Variants in CACNB2 observed in about 807,000 individuals in gnomAD.
The protein encoded by CACNB2 is voltage-dependent L-type calcium channel subunit beta-2.
CACNB2 carries 42 observed loss-of-function variants against 73.3 expected under a neutral mutation model. The ratio of observed to expected loss-of-function variants is 0.57; its 90% CI spans 0.45 to 0.74. The LOEUF (loss-of-function observed/expected upper bound fraction) is 0.74, where lower values mean the gene tolerates loss of function less well. Among genes scored for constraint, CACNB2 ranks in the 30% least tolerant of loss-of-function variants. The pLI is 0.00. For missense variants in CACNB2, 940 were observed against 853.0 expected (o/e 1.10, Z -1.27); for synonymous variants, 348 against 310.3 (o/e 1.12, Z -1.28).
chr10:18,538,713 G>A (rs1050650955), intron 13 of CACNB2, among the ~76,000 whole-genome samples: 9 of 152,170 alleles, frequency 5.9e-5, no homozygotes, highest in Admixed American at 3.3e-4. Context: ...ATGGCAACCT[G>A]TCCAAGAGGC....
chr10:18,346,260 C>T lies in CACNB2; in HGVS notation c.214-55664C>T, dbSNP rs142157329. The stretch of plus-strand genomic sequence containing the variant: ...GTTCAAACGATTCTCCTGCCTCAGC[C>T]TCTTGAGTAGCTGGGATTACAGGTG... On this transcript the variant is annotated intron_variant, in intron 2 of 13. Coordinates refer to ENST00000324631, the MANE Select transcript of CACNB2 (RefSeq NM_201596.3). Among the ~76,000 whole-genome samples the T allele has an allele frequency of 8.9e-3, 1,348 of 152,206 alleles. 29 individuals carry two copies. The highest frequency in any genetic ancestry group is 0.028 in the African/African-American group (1,166 of 41,536).
At position 18,153,979 on chromosome 10, in the gene CACNB2, A is replaced by C. The variant is rs921456266; in HGVS notation, c.213+3004A>C. Among the ~76,000 whole-genome samples the C allele has an allele frequency of 5.9e-5, 9 of 151,460 alleles. No homozygotes were observed. The Admixed American group carries it at 6.0e-4, about 10-fold the overall frequency. On this transcript the variant is annotated intron_variant, in intron 2 of 13. Transcript: ENST00000324631. ...AAACAAGTGACTTGCATCGACACAT[A>C]TTGCGTACTTGTCTGTAGCTAGGGA...
rs1229644432 is a variant in CACNB2, at chr10:18,215,534, C to T, written c.213+64559C>T. Among the ~76,000 whole-genome samples the T allele has an allele frequency of 3.9e-5, 6 of 152,240 alleles. No individual in the cohort carries two copies. The East Asian group carries it at 1.2e-3, about 29-fold the overall frequency. ...AGCCTTTGTTTCTAACACACTTTGA[C>T]AAAATGGTCATTTTGAATTAGATAT... On this transcript the variant is annotated intron_variant, in intron 2 of 13. Coordinates refer to ENST00000324631, the MANE Select transcript of CACNB2 (RefSeq NM_201596.3).
intron 2 of CACNB2, among the ~76,000 whole-genome samples, chr10:18,271,175 T>G (rs1483294565): frequency 6.6e-6 from 1 of 152,220 alleles, no homozygotes; most frequent in African/African-American, 2.4e-5. Context: ...TTGGTTGATA[T>G]GCATAAAGTA....
At chr10:18,485,054 A>G (rs763593656) in intron 3 of CACNB2, among the ~76,000 whole-genome samples, 10 of 152,068 alleles carry the variant, frequency 6.6e-5, no homozygotes, top group Non-Finnish European at 1.5e-4. Context: ...ACTTGGGAGG[A>G]TCATTTGAGC....
intron 2 of CACNB2, among the ~76,000 whole-genome samples, chr10:18,401,563 C>A (rs1006184911): frequency 6.6e-6 from 1 of 152,136 alleles, no homozygotes; most frequent in Admixed American, 6.6e-5. Flanking sequence ...TTTCAAATAC[C>A]TGCTTTAGCA....
chr10:18,151,582 T>C (rs150337598), intron 2 of CACNB2, among the ~76,000 whole-genome samples: 108 of 152,176 alleles, frequency 7.1e-4, no homozygotes, highest in African/African-American at 2.5e-3. Context: ...CCCTAACATA[T>C]AAACACGCTT....
At chr10:18,351,138 A>G (rs890700250) in intron 2 of CACNB2, among the ~76,000 whole-genome samples, 18 of 131,684 alleles carry the variant, frequency 1.4e-4, no homozygotes, top group African/African-American at 5.1e-4. Flanking sequence ...TCACATGTAC[A>G]CCCTTTCTTT....
chr10:18,325,093 G>A (rs1182462904), intron 2 of CACNB2, among the ~76,000 whole-genome samples: 5 of 152,172 alleles, frequency 3.3e-5, no homozygotes, highest in Non-Finnish European at 7.4e-5. Flanking sequence ...GTGTGAACTG[G>A]GTCCCCCAGT....
At chr10:18,388,282 C>G (rs2043318843) in intron 2 of CACNB2, among the ~76,000 whole-genome samples, 1 of 152,182 alleles carries the variant, frequency 6.6e-6, no homozygotes, top group Non-Finnish European at 1.5e-5. Context: ...ATTAAACGTT[C>G]TGAATATAGT....
At chr10:18,362,476 A>G (rs2042181996) in intron 2 of CACNB2, among the ~76,000 whole-genome samples, 1 of 152,136 alleles carries the variant, frequency 6.6e-6, no homozygotes, top group Non-Finnish European at 1.5e-5. Flanking sequence ...TGATTATATT[A>G]GTATTCTATT....
chr10:18,296,813 T>C (rs1046315903), intron 2 of CACNB2, among the ~76,000 whole-genome samples: 17 of 152,196 alleles, frequency 1.1e-4, no homozygotes. Flanking sequence ...ATCGAGAGCA[T>C]TGCAGACAAT....
At chr10:18,442,861 A>G (rs2046483430) in intron 3 of CACNB2, among the ~76,000 whole-genome samples, 1 of 145,732 alleles carries the variant, frequency 6.9e-6, no homozygotes, top group Non-Finnish European at 1.5e-5. Context: ...AGTGGAGACT[A>G]TTAAAGAGCT....
At chr10:18,478,830 G>C (rs549174785) in intron 3 of CACNB2, among the ~76,000 whole-genome samples, 1 of 152,218 alleles carries the variant, frequency 6.6e-6, no homozygotes, top group East Asian at 1.9e-4. Flanking sequence ...TAACAGGGAG[G>C]GGAAGCAGAA....
Position 18,290,112 on chromosome 10 carries a change from C to CTTTTTTTTTTTTTTTTT in CACNB2, c.214-111801_214-111785dup, listed in dbSNP as rs992393946. 1.6e-4 allele frequency among the ~76,000 whole-genome samples: 8 copies of CTTTTTTTTTTTTTTTTT among 50,134 alleles called. 1 individual carries two copies. The highest frequency in any genetic ancestry group is 1.9e-4 in the Non-Finnish European group (5 of 26,224). 32.9% of individuals were successfully genotyped at this position (50,134 alleles called of 152,430 possible). A position where few individuals can be genotyped will look rare whatever the true frequency, so the allele number is the denominator to read the frequency against. ...TAAAGTTTTTTTCTTTTTTCTTTTT[C>CTTTTTTTTTTTTTTTTT]TTTTTTTTTTTTTTTTTTTTTTTTT... On this transcript the variant is annotated intron_variant, in intron 2 of 13. Coordinates refer to ENST00000324631, the MANE Select transcript of CACNB2 (RefSeq NM_201596.3).
intron 12 of CACNB2, 132 bp downstream of exon 12, chr10:18,536,328 A>G: frequency 1.2e-5 from 7 of 585,738 alleles, no homozygotes; most frequent in Non-Finnish European, 2.0e-5. Context: ...GTATGGTCTT[A>G]GCTCACTGCA....
chr10:18,444,690 A>G (rs994966688), intron 3 of CACNB2, among the ~76,000 whole-genome samples: 2 of 152,194 alleles, frequency 1.3e-5, no homozygotes, highest in African/African-American at 4.8e-5. Flanking sequence ...ATGCTACTCT[A>G]GATTTCCGTA....
intron 2 of CACNB2, among the ~76,000 whole-genome samples, chr10:18,387,504 C>T (rs971473557): frequency 2.0e-5 from 3 of 152,118 alleles, no homozygotes; most frequent in African/African-American, 7.2e-5. Context: ...TTACATTCTA[C>T]TGTATATATG....
At chr10:18,328,758 G>A (rs937037860) in intron 2 of CACNB2, among the ~76,000 whole-genome samples, 2 of 152,198 alleles carry the variant, frequency 1.3e-5, no homozygotes, top group Non-Finnish European at 2.9e-5. Flanking sequence ...TCAGGGGTTG[G>A]TTAAGCAAGC....
Sources: gnomAD v4.1 joint callset for allele counts (sites outside exome capture counted in the v4.1 genomes callset) on GRCh38, gnomAD v4.1.1 for gene constraint, MANE v1.5 for transcripts, NCBI Gene and HGNC (gene_info 2026-07-23, HGNC 2026-07-21) for gene names.